UBE2H: variants seen among roughly 807,000 people sequenced by gnomAD.
UBE2H encodes ubiquitin conjugating enzyme E2 H, also known as ubiquitin-conjugating enzyme E2 H.
In UBE2H, 3 loss-of-function variants were observed where a neutral mutation model predicts 29.0. That is an observed-to-expected ratio of 0.10 (90% CI 0.05 to 0.27). The LOEUF (loss-of-function observed/expected upper bound fraction) is 0.27, where lower values mean the gene tolerates loss of function less well. Ranked by LOEUF, UBE2H falls within the 10% of genes least tolerant of loss-of-function variation. The pLI is 1.00. For missense variants in UBE2H, 68 were observed against 228.2 expected (o/e 0.30, Z 4.52); for synonymous variants, 69 against 82.9 (o/e 0.83, Z 0.91).
chr7:129,918,846 G>A (rs2116464442), intron 1 of UBE2H, among the ~76,000 whole-genome samples: 1 of 152,276 alleles, frequency 6.6e-6, no homozygotes, highest in African/African-American at 2.4e-5. Context: ...ACTTTGGGAG[G>A]TTGAGGCAGG....
chr7:129,942,374 C>T (rs576590258), intron 1 of UBE2H, among the ~76,000 whole-genome samples: 2 of 152,210 alleles, frequency 1.3e-5, no homozygotes, highest in African/African-American at 4.8e-5. Flanking sequence ...GTAATCCCAG[C>T]TACTCAGGAG....
chr7:129,935,787 A>G (rs970097708), intron 1 of UBE2H, among the ~76,000 whole-genome samples: 1 of 152,230 alleles, frequency 6.6e-6, no homozygotes, highest in African/African-American at 2.4e-5. Flanking sequence ...GATGTTAATC[A>G]CAGTTGAAAA....
chr7:129,930,550 C>CACGA (rs1291752403), intron 1 of UBE2H, among the ~76,000 whole-genome samples: 4 of 152,046 alleles, frequency 2.6e-5, no homozygotes, highest in Non-Finnish European at 5.9e-5. Context: ...GCGGGTGGAT[C>CACGA]ACGAGGTCAG....
chr7:129,857,840 T>C (rs984724599), intron 4 of UBE2H, among the ~76,000 whole-genome samples: 1 of 152,174 alleles, frequency 6.6e-6, no homozygotes, highest in African/African-American at 2.4e-5. Flanking sequence ...ACCTTGTGTG[T>C]CTCTGAATGT....
At chr7:129,858,209 T>C (rs1805740335) in intron 4 of UBE2H, among the ~76,000 whole-genome samples, 3 of 152,248 alleles carry the variant, frequency 2.0e-5, no homozygotes, top group South Asian at 2.1e-4. Context: ...ATACTGTGGA[T>C]AGATAAGAGA....
At chr7:129,928,986 A>G (rs1404498088) in intron 1 of UBE2H, among the ~76,000 whole-genome samples, 1 of 152,232 alleles carries the variant, frequency 6.6e-6, no homozygotes, top group Non-Finnish European at 1.5e-5. Flanking sequence ...CAATGAGTGC[A>G]CTGTCAATTG....
intron 1 of UBE2H, among the ~76,000 whole-genome samples, chr7:129,932,066 C>A (rs2693725): frequency 0.58 from 87,063 of 150,792 alleles, 25,649 homozygotes; most frequent in Middle Eastern, 0.7. Context: ...ACGTGATCCG[C>A]CTGCCTCGGC....
chr7:129,882,916 G>T (rs1373347818), intron 1 of UBE2H, among the ~76,000 whole-genome samples: 1 of 152,178 alleles, frequency 6.6e-6, no homozygotes, highest in Non-Finnish European at 1.5e-5. Context: ...CACTTCCATA[G>T]TGTAAAAGAC....
chr7:129,903,853 C>G (rs1806764765), intron 1 of UBE2H, among the ~76,000 whole-genome samples: 1 of 152,228 alleles, frequency 6.6e-6, no homozygotes, highest in African/African-American at 2.4e-5. Flanking sequence ...CTACAGGTAG[C>G]TATGCTGGCA....
At chr7:129,863,822 T>C (rs1267319583) in intron 3 of UBE2H, among the ~76,000 whole-genome samples, 1 of 134,200 alleles carries the variant, frequency 7.5e-6, no homozygotes, top group Non-Finnish European at 1.8e-5. Flanking sequence ...TTTTTTTTTT[T>C]TGAGATAAGG....
chr7:129,872,672 T>C (rs1806063531), intron 3 of UBE2H, among the ~76,000 whole-genome samples: 1 of 151,434 alleles, frequency 6.6e-6, no homozygotes, highest in African/African-American at 2.4e-5. Flanking sequence ...TGAAACCCCG[T>C]CTCTACTAAA....
At chr7:129,942,123 T>C (rs1212541264) in intron 1 of UBE2H, among the ~76,000 whole-genome samples, 4 of 147,382 alleles carry the variant, frequency 2.7e-5, no homozygotes, top group South Asian at 4.3e-4. Context: ...AGCAGGAGGA[T>C]TGAGTTCAGA....
At chr7:129,911,165 C>A (rs1277932909) in intron 1 of UBE2H, among the ~76,000 whole-genome samples, 1 of 151,980 alleles carries the variant, frequency 6.6e-6, no homozygotes, top group Non-Finnish European at 1.5e-5. Flanking sequence ...GAAAATGAGA[C>A]CATCCTGGCT....
At chr7:129,899,320 G>C (rs1806662030) in intron 1 of UBE2H, among the ~76,000 whole-genome samples, 1 of 152,170 alleles carries the variant, frequency 6.6e-6, no homozygotes, top group African/African-American at 2.4e-5. Flanking sequence ...GTTGCATCCA[G>C]TTACTTTCTA....
chr7:129,919,160 T>C (rs936742137), intron 1 of UBE2H, among the ~76,000 whole-genome samples: 2 of 146,352 alleles, frequency 1.4e-5, no homozygotes, highest in African/African-American at 5.0e-5. Flanking sequence ...AGGAAATGTG[T>C]CATATGCTAG....
At chr7:129,839,717 GT>G (rs112018420) in intron 5 of UBE2H, 2,076 of 220,246 alleles carry the variant, frequency 9.4e-3, no homozygotes, top group Middle Eastern at 0.024. Context: ...TTTTTTGTTT[GT>G]TTTTTTTTTT....
intron 1 of UBE2H, among the ~76,000 whole-genome samples, chr7:129,942,555 C>T (rs1045794669): frequency 6.6e-6 from 1 of 152,190 alleles, no homozygotes; most frequent in Non-Finnish European, 1.5e-5. Context: ...GTCTGTTTCC[C>T]ATTCTGTCAC....
At chr7:129,865,665 T>C (rs1445559697) in intron 3 of UBE2H, among the ~76,000 whole-genome samples, 1 of 152,242 alleles carries the variant, frequency 6.6e-6, no homozygotes, top group African/African-American at 2.4e-5. Context: ...AATTGCATTA[T>C]AAGCTTATGA....
At chr7:129,921,694 C>CAAAAAAAAAAAAAAAAAAAAAAAA (rs1047164274) in intron 1 of UBE2H, among the ~76,000 whole-genome samples, 1 of 68,510 alleles carries the variant, frequency 1.5e-5, no homozygotes, top group Non-Finnish European at 3.0e-5. Context: ...GACTCTGTCA[C>CAAAAAAAAAAAAAAAAAAAAAAAA]AAAAAAAAAA....
Sources: gnomAD v4.1 joint callset for allele counts (sites outside exome capture counted in the v4.1 genomes callset) on GRCh38, gnomAD v4.1.1 for gene constraint, MANE v1.5 for transcripts, NCBI Gene and HGNC (gene_info 2026-07-23, HGNC 2026-07-21) for gene names.